The following TNS3 variants were observed in gnomAD, a reference collection of about 807,000 sequenced individuals.
TNS3 encodes the protein tensin-3.
TNS3 carries 45 observed loss-of-function variants against 140.9 expected under a neutral mutation model. That is an observed-to-expected ratio of 0.32 (90% CI 0.25 to 0.41). The LOEUF is 0.41. Among genes scored for constraint, TNS3 ranks in the 10% least tolerant of loss-of-function variants. The pLI is 1.00. For missense variants in TNS3, 1,716 were observed against 1,906.7 expected (o/e 0.90, Z 1.86); for synonymous variants, 815 against 788.4 (o/e 1.03, Z -0.56).
At chr7:47,389,103 CGGAAGCAGAAGAAGAAGAAGA>C (rs1562675548) in intron 16 of TNS3, among the ~76,000 whole-genome samples, 234 of 16,478 alleles carry the variant, frequency 0.014, 48 homozygotes, top group African/African-American at 0.038. Flanking sequence ...GAAGAGGAAG[CGGAAGCAGAAGAAGAAGAAGA>C]AGAAGAAGAA....
intron 7 of TNS3, among the ~76,000 whole-genome samples, 165 bp downstream of exon 7, chr7:47,437,098 C>T (rs567844091): frequency 6.6e-6 from 1 of 152,206 alleles, no homozygotes; most frequent in Non-Finnish European, 1.5e-5. Flanking sequence ...GAATCTCTAA[C>T]TATTTCAAAC....
chr7:47,443,924 CAAAT>C (rs1013996453), intron 4 of TNS3, among the ~76,000 whole-genome samples: 1 of 151,862 alleles, frequency 6.6e-6, no homozygotes, highest in Admixed American at 6.6e-5. Context: ...CTGTCCCAAA[CAAAT>C]AAACAACAAA....
rs764797337 is a variant in TNS3, at chr7:47,368,595, G to A, written c.2051C>T (p.Thr684Ile). Residue 684 changes from threonine (T) to isoleucine (I), a missense_variant, in exon 17 of 31, where the codon ACA becomes ATA. Physicochemically the swap from Thr to Ile is moderately conservative, Grantham distance 89. Coordinates refer to ENST00000311160, the MANE Select transcript of TNS3 (RefSeq NM_022748.12). ...GGTGGGCGAGCCTGGGGAGGGGCCTGTGCTCAGCTCTGGGCCGGCTCCATT... is the reference window on the plus strand; with the variant it reads ...GGTGGGCGAGCCTGGGGAGGGGCCTATGCTCAGCTCTGGGCCGGCTCCATT... The part of the protein sequence containing the change: ...VVNGAGPELS[T>I]GPSPGSPTLD... 1.9e-6 allele frequency: 3 copies of A among 1,580,154 alleles called. No homozygotes were observed. The highest frequency in any genetic ancestry group is 2.4e-5 in the South Asian group (2 of 85,022).
chr7:47,397,462 T>C (rs952422811), intron 15 of TNS3, among the ~76,000 whole-genome samples: 3 of 152,156 alleles, frequency 2.0e-5, no homozygotes, highest in African/African-American at 7.2e-5. Context: ...ATCTGGACAA[T>C]TCACCTTGAT....
chr7:47,489,652 A>G (rs1450655494), intron 3 of TNS3, among the ~76,000 whole-genome samples: 1 of 152,268 alleles, frequency 6.6e-6, no homozygotes, highest in Non-Finnish European at 1.5e-5. Context: ...GCAAAAGCAT[A>G]GTATCCTGTA....
At chr7:47,361,464 C>T (rs189131421) in intron 17 of TNS3, among the ~76,000 whole-genome samples, 2 of 152,164 alleles carry the variant, frequency 1.3e-5, no homozygotes, top group African/African-American at 4.8e-5. Flanking sequence ...TGGCTGAGCA[C>T]CCCCAGCACG....
intron 16 of TNS3, among the ~76,000 whole-genome samples, chr7:47,376,245 G>A (rs912568219): frequency 1.3e-5 from 2 of 152,190 alleles, no homozygotes; most frequent in Admixed American, 6.5e-5. Flanking sequence ...CACATTTCAC[G>A]GCATCCGAAT....
chr7:47,534,617 G>A (rs1304247391), intron 1 of TNS3, among the ~76,000 whole-genome samples: 4 of 152,000 alleles, frequency 2.6e-5, no homozygotes, highest in African/African-American at 4.8e-5. Context: ...TCTAATTTGC[G>A]GCCAAGACAG....
intron 9 of TNS3, among the ~76,000 whole-genome samples, chr7:47,426,226 G>A (rs2665774): frequency 0.27 from 40,368 of 151,920 alleles, 6,404 homozygotes; most frequent in Non-Finnish European, 0.34. Context: ...AGGTTACAGC[G>A]AACCAAGATC....
At chr7:47,490,458 C>T (rs1484378106) in intron 3 of TNS3, among the ~76,000 whole-genome samples, 1 of 152,228 alleles carries the variant, frequency 6.6e-6, no homozygotes, top group Non-Finnish European at 1.5e-5. Flanking sequence ...CTCTGCCATT[C>T]CCCCATCAAG....
chr7:47,503,006 G>T (rs1050717160), intron 3 of TNS3, among the ~76,000 whole-genome samples: 9 of 152,182 alleles, frequency 5.9e-5, no homozygotes, highest in African/African-American at 2.2e-4. Flanking sequence ...AGGAGGTTCT[G>T]TGTTTTTCCT....
intron 4 of TNS3, among the ~76,000 whole-genome samples, chr7:47,449,145 C>A (rs1261005520): frequency 6.6e-6 from 1 of 152,268 alleles, no homozygotes; most frequent in Non-Finnish European, 1.5e-5. Context: ...GAAGTCACTG[C>A]TCGACGTTCA....
chr7:47,424,310 T>G (rs571002267), intron 9 of TNS3, 126 bp from the exon 10 acceptor site: 12 of 758,768 alleles, frequency 1.6e-5, no homozygotes, highest in Admixed American at 9.9e-5. Context: ...CACCCTTTGC[T>G]GCACCTGTGC....
intron 4 of TNS3, among the ~76,000 whole-genome samples, chr7:47,479,112 G>A (rs1584745829): frequency 6.6e-6 from 1 of 152,270 alleles, no homozygotes; most frequent in South Asian, 2.1e-4. Context: ...TGGGACCCTG[G>A]GCTCCAGAGG....
rs865830672 is a variant in TNS3 at position 47,486,560 on chromosome 7, A to C, written c.-114-5419T>G. On this transcript the variant is annotated intron_variant, in intron 3 of 30. Transcript: ENST00000311160. Reference sequence around the variant, plus strand: ...CACTGGCCCGGCCACCATTACCCCCAGTGCTAACAGACACAGGGCCTCGGG... The same window carrying C: ...CACTGGCCCGGCCACCATTACCCCCCGTGCTAACAGACACAGGGCCTCGGG... Among the ~76,000 whole-genome samples the C allele has an allele frequency of 2.6e-5, 4 of 152,174 alleles. 1 individual carries two copies. In the Middle Eastern group the frequency reaches 9.5e-3, roughly 361 times the overall value.
At chr7:47,346,051 G>T in intron 18 of TNS3, 136 bp downstream of exon 18, 1 of 1,178,456 alleles carries the variant, frequency 8.5e-7, no homozygotes, top group Non-Finnish European at 1.2e-6. Flanking sequence ...GTGAAACCAG[G>T]ACGGAAGGTG....
chr7:47,452,775 T>C (rs1349935896), intron 4 of TNS3, among the ~76,000 whole-genome samples: 2 of 152,112 alleles, frequency 1.3e-5, no homozygotes, highest in African/African-American at 4.8e-5. Flanking sequence ...CCACCGAACA[T>C]CTGCAGCATT....
chr7:47,475,254 C>A (rs1192894995), intron 4 of TNS3, among the ~76,000 whole-genome samples: 1 of 152,236 alleles, frequency 6.6e-6, no homozygotes, highest in Non-Finnish European at 1.5e-5. Context: ...GGGAACTAGC[C>A]CACTGGCCTC....
intron 9 of TNS3, among the ~76,000 whole-genome samples, chr7:47,426,079 A>G (rs1794632596): frequency 6.6e-6 from 1 of 152,078 alleles, no homozygotes; most frequent in Non-Finnish European, 1.5e-5. Flanking sequence ...TCAGGAGTTC[A>G]AGACCAGCCT....
Sources: allele counts gnomAD v4.1 joint callset (sites outside exome capture counted in the v4.1 genomes callset), GRCh38; gene constraint gnomAD v4.1.1; transcripts MANE v1.5; gene names NCBI Gene and HGNC (gene_info 2026-07-23, HGNC 2026-07-21).